MTA3: variants seen among roughly 807,000 people sequenced by gnomAD.
MTA3 encodes metastasis associated 1 family member 3.
MTA3 carries 34 observed loss-of-function variants against 83.5 expected under a neutral mutation model. The ratio of observed to expected loss-of-function variants is 0.41; its 90% CI spans 0.31 to 0.54. The LOEUF is 0.54. MTA3 is among the 20% of genes least tolerant of loss of function. The pLI, the probability that MTA3 is intolerant of heterozygous loss-of-function variation, is 0.33. For synonymous variants in MTA3, 303 were observed against 252.7 expected (o/e 1.20, Z -1.89); for missense variants, 761 against 726.4 (o/e 1.05, Z -0.55).
intron 4 of MTA3, among the ~76,000 whole-genome samples, chr2:42,626,160 G>GTCTCGATCTCCTGACCTCGTGA (rs1199492310): frequency 9.9e-5 from 15 of 151,218 alleles, no homozygotes; most frequent in Non-Finnish European, 1.5e-5. Context: ...AGCCAGGATG[G>GTCTCGATCTCCTGACCTCGTGA]TCTCGATCTC....
At chr2:42,681,811 T>C (rs13023683) in intron 8 of MTA3, among the ~76,000 whole-genome samples, 120,275 of 151,578 alleles carry the variant, frequency 0.79, 48,565 homozygotes, top group African/African-American at 0.94. Context: ...ATGTGTGGCC[T>C]GGCTAGACTT....
chr2:42,704,133 A>G, intron 11 of MTA3, 61 bp from the exon 12 acceptor site: 1 of 1,531,900 alleles, frequency 6.5e-7, no homozygotes, highest in Non-Finnish European at 8.9e-7. Context: ...CAGTAATGAT[A>G]TAGAGCTTTT....
intron 3 of MTA3, among the ~76,000 whole-genome samples, chr2:42,591,322 A>G (rs963204944): frequency 1.3e-5 from 2 of 152,222 alleles, no homozygotes; most frequent in Non-Finnish European, 2.9e-5. Flanking sequence ...TAGGGCACTT[A>G]CCATGAATGG....
chr2:42,666,303 A>T (rs988518350), intron 8 of MTA3, among the ~76,000 whole-genome samples: 2 of 152,092 alleles, frequency 1.3e-5, no homozygotes, highest in African/African-American at 2.4e-5. Context: ...ACAAAGCGTA[A>T]CTGTTATTTT....
intron 9 of MTA3, among the ~76,000 whole-genome samples, chr2:42,691,083 G>T (rs949626559): frequency 2.0e-5 from 3 of 151,712 alleles, no homozygotes; most frequent in African/African-American, 2.4e-5. Flanking sequence ...CACTATGTTG[G>T]CCAGGCTGGT....
intron 8 of MTA3, among the ~76,000 whole-genome samples, chr2:42,675,047 A>G (rs1324096319): frequency 6.6e-6 from 1 of 152,006 alleles, no homozygotes; most frequent in Non-Finnish European, 1.5e-5. Flanking sequence ...AGGGCCTCTC[A>G]AAAGCTCTGG....
At chr2:42,515,731 G>A (rs375363466) in intron 2 of MTA3, among the ~76,000 whole-genome samples, 28 of 151,648 alleles carry the variant, frequency 1.8e-4, no homozygotes, top group African/African-American at 5.8e-4. Flanking sequence ...TCGAACTCCC[G>A]ACCTCGTGAT....
chr2:42,746,105 C>T (rs1036498443), intron 16 of MTA3, among the ~76,000 whole-genome samples: 1 of 152,106 alleles, frequency 6.6e-6, no homozygotes, highest in Admixed American at 6.5e-5. Flanking sequence ...AGCCACTGCG[C>T]CCTGCCAAAA....
rs374112289 is a variant in MTA3 at position 42,638,136 on chromosome 2, TA to T, written c.318-2032del. 1.8e-3 allele frequency among the ~76,000 whole-genome samples: 268 copies of T among 152,292 alleles called. 1 individual carries two copies. In the South Asian group the frequency reaches 0.022, roughly 13 times the overall value. On this transcript the variant is annotated intron_variant, in intron 4 of 16. Transcript: ENST00000405094. ...TCTGACTTTAGAGAACTTATTTTTT[TA>T]AAAAGGGGGATTTTTTTTTCTAGGT...
intron 2 of MTA3, among the ~76,000 whole-genome samples, chr2:42,521,345 C>T (rs1264724160): frequency 6.6e-6 from 1 of 152,150 alleles, no homozygotes; most frequent in African/African-American, 2.4e-5. Flanking sequence ...AAGCAGACCC[C>T]ACCCCATCGG....
chr2:42,728,057 CTAACTA>C (rs1667951809), intron 16 of MTA3, among the ~76,000 whole-genome samples: 1 of 152,100 alleles, frequency 6.6e-6, no homozygotes, highest in Non-Finnish European at 1.5e-5. Flanking sequence ...TTCATTCTAT[CTAACTA>C]TATTTTTGTA....
intron 15 of MTA3, among the ~76,000 whole-genome samples, chr2:42,719,276 A>C (rs565041884): frequency 1.1e-4 from 16 of 152,174 alleles, no homozygotes; most frequent in Non-Finnish European, 1.9e-4. Context: ...ACACAGATTT[A>C]TGATATATGT....
At chr2:42,570,690 C>G (rs1462643538) in intron 2 of MTA3, among the ~76,000 whole-genome samples, 186 bp downstream of exon 2, 1 of 151,842 alleles carries the variant, frequency 6.6e-6, no homozygotes, top group African/African-American at 2.4e-5. Flanking sequence ...GAGACCCTAT[C>G]TCTTATTTTT....
At chr2:42,577,105 A>AAAAAAAAAAATATATATAT (rs1211189566) in intron 2 of MTA3, among the ~76,000 whole-genome samples, 1 of 86,920 alleles carries the variant, frequency 1.2e-5, no homozygotes, top group African/African-American at 5.4e-5. Flanking sequence ...AAAAAAAAAA[A>AAAAAAAAAAATATATATAT]ATATATATAT....
At chr2:42,514,170 G>T (rs1675029266) in intron 2 of MTA3, among the ~76,000 whole-genome samples, 1 of 151,864 alleles carries the variant, frequency 6.6e-6, no homozygotes, top group Non-Finnish European at 1.5e-5. Context: ...TCGAGATCGC[G>T]CCACTGCACT....
At chr2:42,608,934 T>A (rs189659136) in intron 3 of MTA3, among the ~76,000 whole-genome samples, 4 of 152,270 alleles carry the variant, frequency 2.6e-5, no homozygotes, top group Admixed American at 2.6e-4. Context: ...TTGTGTATAT[T>A]TTTGGGGTAC....
At chr2:42,681,966 G>C (rs1334987010) in intron 8 of MTA3, among the ~76,000 whole-genome samples, 1 of 152,056 alleles carries the variant, frequency 6.6e-6, no homozygotes, top group Non-Finnish European at 1.5e-5. Flanking sequence ...TAGTGCTTTG[G>C]GAGGCTATAG....
chr2:42,604,574 C>CT (rs963468751), intron 3 of MTA3, among the ~76,000 whole-genome samples: 14 of 16,696 alleles, frequency 8.4e-4, no homozygotes, highest in South Asian at 4.0e-3. Context: ...TGTTTCTTTT[C>CT]TTTTTTTTTT....
chr2:42,707,006 C>A (rs1168287827), intron 12 of MTA3, among the ~76,000 whole-genome samples: 1 of 150,426 alleles, frequency 6.6e-6, no homozygotes, highest in Non-Finnish European at 1.5e-5. Flanking sequence ...CCGCTTCCCT[C>A]TGTAACCCAG....
Sources: gnomAD v4.1 joint callset for allele counts (sites outside exome capture counted in the v4.1 genomes callset) on GRCh38, gnomAD v4.1.1 for gene constraint, MANE v1.5 for transcripts, NCBI Gene and HGNC (gene_info 2026-07-23, HGNC 2026-07-21) for gene names.